The following SLCO3A1 variants were observed in gnomAD, a reference collection of about 807,000 sequenced individuals.
The protein encoded by SLCO3A1 is solute carrier organic anion transporter family member 3A1.
A neutral mutation model predicts 63.1 loss-of-function variants in SLCO3A1; 27 were observed. That is an observed-to-expected ratio of 0.43 (90% CI 0.32 to 0.59). The LOEUF (loss-of-function observed/expected upper bound fraction) is 0.59, where lower values mean the gene tolerates loss of function less well. Ranked by LOEUF, SLCO3A1 falls within the 20% of genes least tolerant of loss-of-function variation. The probability of loss-of-function intolerance (pLI) is 0.09; values close to 1 mark genes in which losing one functional copy is unlikely to be tolerated. For synonymous variants in SLCO3A1, 473 were observed against 409.9 expected (o/e 1.15, Z -1.86); for missense variants, 773 against 945.8 (o/e 0.82, Z 2.40).
At chr15:92,168,835 T>C (rs141774192), downstream of SLCO3A1, among the ~76,000 whole-genome samples, 10 of 152,330 alleles carry the variant, frequency 6.6e-5, no homozygotes, top group East Asian at 1.9e-3. Context: ...TTGAACTGTA[T>C]AGTCTACATT....
At chr15:91,871,374 G>T (rs902292585) in intron 1 of SLCO3A1, among the ~76,000 whole-genome samples, 7 of 152,222 alleles carry the variant, frequency 4.6e-5, no homozygotes, top group Admixed American at 1.3e-4. Flanking sequence ...CCTGTGTGGG[G>T]GGCACACACT....
intron 5 of SLCO3A1, among the ~76,000 whole-genome samples, chr15:92,121,337 G>A (rs1433708655): frequency 6.6e-6 from 1 of 152,198 alleles, no homozygotes; most frequent in African/African-American, 2.4e-5. Context: ...CAGCTGAGAT[G>A]TTGATAAGTA....
chr15:92,033,147 AAAG>A lies in SLCO3A1; in HGVS notation c.647-61731_647-61729del, dbSNP rs1006292047. ...AAGAATCTCACGTGTAAAAAAAACA[AAAG>A]AACTCCATGGATGGGGCATTGTTTT... On this transcript the variant is annotated intron_variant, in intron 2 of 9. Transcript: ENST00000318445. This position sits in a 1 kb window ranked among gnomAD's most constrained non-coding sequence, Gnocchi z 4.5. Among the ~76,000 whole-genome samples, 14 of 152,204 alleles carry A rather than the reference AAAG, an allele frequency of 9.2e-5. No homozygotes were observed. The highest frequency in any genetic ancestry group is 3.4e-4 in the African/African-American group (14 of 41,442).
chr15:92,163,175 G>C lies in SLCO3A1; in HGVS notation c.*40G>C, dbSNP rs200767748. 4.2e-6 allele frequency: 6 copies of C among 1,416,162 alleles called. No individual in the cohort carries two copies. The South Asian group carries it at 5.5e-5, about 13-fold the overall frequency. The allele number at this position is 1,416,162 out of a possible 1,614,324, so 87.7% of individuals were successfully genotyped here. On this transcript the variant is annotated 3_prime_UTR_variant, in exon 10 of 10. Coordinates refer to ENST00000318445, the MANE Select transcript of SLCO3A1 (RefSeq NM_013272.4). Reference sequence around the variant, plus strand: ...CTGAACTCTGTATTAGTAATCCAAGGGTCATTTTTTTCTTAAAAAAAGAAA... The same window carrying C: ...CTGAACTCTGTATTAGTAATCCAAGCGTCATTTTTTTCTTAAAAAAAGAAA...
chr15:91,957,148 T>A (rs1452606996), intron 2 of SLCO3A1, among the ~76,000 whole-genome samples: 12 of 29,982 alleles, frequency 4.0e-4, no homozygotes, highest in South Asian at 1.1e-3. Flanking sequence ...TATATTATAA[T>A]ATATATATAT....
At chr15:91,902,488 G>C (rs572070747) in intron 1 of SLCO3A1, among the ~76,000 whole-genome samples, 47 of 151,894 alleles carry the variant, frequency 3.1e-4, no homozygotes, top group Admixed American at 9.2e-4. Context: ...TGCAGCCTCA[G>C]GGTAGCTGAG....
chr15:91,858,489 G>A (rs571830857), intron 1 of SLCO3A1, among the ~76,000 whole-genome samples: 2 of 152,206 alleles, frequency 1.3e-5, no homozygotes, highest in Non-Finnish European at 2.9e-5. Context: ...CTTTGTTTGT[G>A]AGGGGGTTTT....
chr15:91,873,752 T>C (rs906390805), intron 1 of SLCO3A1, among the ~76,000 whole-genome samples: 3 of 152,176 alleles, frequency 2.0e-5, no homozygotes, highest in Admixed American at 6.5e-5. Flanking sequence ...TTCCTACATA[T>C]CAGATTTCTC....
rs368016879 is a variant in SLCO3A1 at position 91,853,876 on chromosome 15, A to AGCGGCGGCGGCGGCG, written c.-22_-8dup. 7.7e-7 allele frequency: 1 copy of AGCGGCGGCGGCGGCG among 1,294,444 alleles called. No individual in the cohort carries two copies. Among genetic ancestry groups the AGCGGCGGCGGCGGCG allele is most frequent in the Non-Finnish European group, 9.8e-7 (1 of 1,017,916 alleles). 80.2% of individuals were successfully genotyped at this position (1,294,444 alleles called of 1,614,324 possible). A position where few individuals can be genotyped will look rare whatever the true frequency, so the allele number is the denominator to read the frequency against. On this transcript the variant is annotated 5_prime_UTR_variant, in exon 1 of 10. Coordinates refer to ENST00000318445, the MANE Select transcript of SLCO3A1 (RefSeq NM_013272.4). Reference sequence around the variant, plus strand: ...CACCCGGGGCGAGCGGGAAAGCGGCAGCGGCGGCGGCGGCGGCGGCGGCGG... The same window carrying AGCGGCGGCGGCGGCG: ...CACCCGGGGCGAGCGGGAAAGCGGCAGCGGCGGCGGCGGCGGCGGCGGCGGCGGCGGCGGCGGCGG...
chr15:91,878,809 C>A (rs1456532191), intron 1 of SLCO3A1, among the ~76,000 whole-genome samples: 1 of 152,086 alleles, frequency 6.6e-6, no homozygotes, highest in African/African-American at 2.4e-5. Context: ...ATCAAAAGGA[C>A]CTTATGCTTA....
intron 1 of SLCO3A1, among the ~76,000 whole-genome samples, chr15:91,913,060 A>G (rs1029120016): frequency 4.6e-5 from 7 of 152,268 alleles, no homozygotes; most frequent in Non-Finnish European, 7.3e-5. Context: ...CCCTTCAGAC[A>G]GAACTTCTTT....
chr15:91,955,444 T>C (rs1029637748), intron 2 of SLCO3A1, among the ~76,000 whole-genome samples: 1 of 152,140 alleles, frequency 6.6e-6, no homozygotes, highest in Non-Finnish European at 1.5e-5. Context: ...CCAGTTCTCC[T>C]GTCTCAGCCT....
intron 7 of SLCO3A1, among the ~76,000 whole-genome samples, chr15:92,131,111 T>A (rs1458963616): frequency 6.6e-6 from 1 of 152,062 alleles, no homozygotes; most frequent in East Asian, 1.9e-4. Context: ...TGAATACAGA[T>A]GAGGTTAGTC....
intron 1 of SLCO3A1, among the ~76,000 whole-genome samples, chr15:91,905,480 T>C (rs113061093): frequency 5.3e-5 from 8 of 152,324 alleles, no homozygotes; most frequent in Admixed American, 2.0e-4. Context: ...TCTTATACTA[T>C]TGGTTTTTAA....
chr15:92,106,405 ACT>A (rs2047668277), intron 4 of SLCO3A1, among the ~76,000 whole-genome samples: 1 of 151,508 alleles, frequency 6.6e-6, no homozygotes, highest in Admixed American at 6.6e-5. Context: ...GGTGCCTGCG[ACT>A]CCCCTAGTAG....
intron 3 of SLCO3A1, among the ~76,000 whole-genome samples, chr15:92,103,356 A>G (rs1201664072): frequency 6.6e-6 from 1 of 152,162 alleles, no homozygotes; most frequent in Non-Finnish European, 1.5e-5. Context: ...AAACTGTACC[A>G]AAGGGTAAGC....
chr15:91,994,070 A>G (rs1450890632), intron 2 of SLCO3A1, among the ~76,000 whole-genome samples: 1 of 152,198 alleles, frequency 6.6e-6, no homozygotes, highest in African/African-American at 2.4e-5. Flanking sequence ...AACCACTTAA[A>G]TTCCTGACCT....
At chr15:92,068,836 A>G (rs1597280510) in intron 2 of SLCO3A1, among the ~76,000 whole-genome samples, 1 of 152,150 alleles carries the variant, frequency 6.6e-6, no homozygotes, top group African/African-American at 2.4e-5. Context: ...CTTTGGACTC[A>G]CCTGCCCTGT....
intron 2 of SLCO3A1, among the ~76,000 whole-genome samples, chr15:91,956,766 G>T (rs76021035): frequency 6.8e-6 from 1 of 147,862 alleles, no homozygotes; most frequent in Non-Finnish European, 1.5e-5. Context: ...GACTTGCTGT[G>T]GCCTTGCCTT....
Sources: allele counts gnomAD v4.1 joint callset (sites outside exome capture counted in the v4.1 genomes callset), GRCh38; gene constraint gnomAD v4.1.1; non-coding constraint Gnocchi (gnomAD v3.1); transcripts MANE v1.5; gene names NCBI Gene and HGNC (gene_info 2026-07-23, HGNC 2026-07-21).